The following PAFAH2 variants were observed in gnomAD, a reference collection of about 807,000 sequenced individuals.
The protein encoded by PAFAH2 is platelet activating factor acetylhydrolase 2.
Under a neutral mutation model 49.0 loss-of-function variants are expected in PAFAH2, and 42 were observed. That is an observed-to-expected ratio of 0.86 (90% CI 0.67 to 1.11). The LOEUF (loss-of-function observed/expected upper bound fraction) is 1.11, where lower values mean the gene tolerates loss of function less well. PAFAH2 is among the 50% of genes least tolerant of loss of function. PAFAH2 has a pLI of 0.00. For synonymous variants in PAFAH2, 184 were observed against 181.3 expected (o/e 1.01, Z -0.12); for missense variants, 503 against 501.8 (o/e 1.00, Z -0.02).
Position 25,984,046 on chromosome 1 carries a change from G to A in PAFAH2, c.452C>T (p.Pro151Leu), listed in dbSNP as rs2049739095. Residue 151 changes from proline to leucine, a missense_variant, in exon 6 of 11, where the codon CCA becomes CTA. Physicochemically the swap from Pro to Leu is moderately conservative, Grantham distance 98 (BLOSUM62 -3). Coordinates refer to ENST00000374282, the MANE Select transcript of PAFAH2 (RefSeq NM_000437.4). ...AATTYFCKQA[P>L]EENQPTNESL... The stretch of plus-strand genomic sequence containing the variant: ...TTCATTGGTGGGCTGGTTCTCTTCT[G>A]GGGCCTGCTTGCAGAAATAGGTGGT... The A allele has an allele frequency of 1.2e-6, 2 of 1,613,978 alleles. No homozygotes were observed. The highest frequency in any genetic ancestry group is 2.2e-5 in the South Asian group (2 of 91,078).
chr1:25,996,413 G>A (rs1266767471), intron 1 of PAFAH2, among the ~76,000 whole-genome samples: 1 of 151,806 alleles, frequency 6.6e-6, no homozygotes, highest in Non-Finnish European at 1.5e-5. Flanking sequence ...GCCGAGGCGG[G>A]CGGATCAGGA....
chr1:25,990,916 C>T (rs185912064), intron 1 of PAFAH2, 53 bp from the exon 2 acceptor site: 15 of 888,296 alleles, frequency 1.7e-5, no homozygotes, highest in Non-Finnish European at 1.8e-6. Context: ...TCTCGGCTTC[C>T]TGTTGCTGAA....
chr1:25,969,616 A>C lies in PAFAH2; in HGVS notation c.1084+2942T>G, dbSNP rs188830847. Among the ~76,000 whole-genome samples the C allele has an allele frequency of 6.3e-4, 96 of 152,354 alleles. 1 individual carries two copies. Among genetic ancestry groups the C allele is most frequent in the Admixed American group, 3.9e-3 (60 of 15,302 alleles). On this transcript the variant is annotated intron_variant, in intron 10 of 10. Coordinates refer to ENST00000374282, the MANE Select transcript of PAFAH2 (RefSeq NM_000437.4). ...TCTACTGGAAAGGGCTGTCTCTAGA[A>C]TTACACGCGATAAAGCAGGAGCAGA...
intron 7 of PAFAH2, among the ~76,000 whole-genome samples, chr1:25,981,637 A>G (rs372108246): frequency 2.6e-5 from 4 of 152,188 alleles, no homozygotes; most frequent in Admixed American, 2.0e-4. Context: ...TCCCTCTGAC[A>G]AAGGGACTGG....
chr1:25,991,796 G>C (rs1013006296), intron 1 of PAFAH2, among the ~76,000 whole-genome samples: 20 of 152,050 alleles, frequency 1.3e-4, no homozygotes, highest in Non-Finnish European at 2.5e-4. Context: ...AGGAAGCTGA[G>C]GCAAGAGAAT....
At chr1:25,992,341 A>C (rs7355094) in intron 1 of PAFAH2, among the ~76,000 whole-genome samples, 1,588 of 152,316 alleles carry the variant, frequency 0.01, 20 homozygotes, top group African/African-American at 0.037. Context: ...TAAGAGGAAA[A>C]AAAGCAGAGG....
At chr1:25,991,289 C>CT (rs926106409) in intron 1 of PAFAH2, among the ~76,000 whole-genome samples, 57 of 149,180 alleles carry the variant, frequency 3.8e-4, no homozygotes, top group Non-Finnish European at 6.4e-4. Flanking sequence ...GAGGTAGGTA[C>CT]TTTTTTTTTT....
chr1:25,981,679 C>T (rs976619740), intron 7 of PAFAH2, among the ~76,000 whole-genome samples: 7 of 152,240 alleles, frequency 4.6e-5, no homozygotes, highest in Non-Finnish European at 1.0e-4. Flanking sequence ...CGTAGGGTCA[C>T]AGCTTTCCCA....
Position 25,974,576 on chromosome 1 carries a change from A to G in PAFAH2, c.833T>C (p.Phe278Ser). The G allele has an allele frequency of 6.2e-7, 1 of 1,614,164 alleles. No homozygotes were observed. Among genetic ancestry groups the G allele is most frequent in the Non-Finnish European group, 8.5e-7 (1 of 1,179,990 alleles). Residue 278 changes from phenylalanine to serine, a missense_variant, in exon 9 of 11, where the codon TTC becomes TCC. Coordinates refer to ENST00000374282, the MANE Select transcript of PAFAH2 (RefSeq NM_000437.4). ...CTGGAATTTCTCAGTATTGATAAAG[A>G]ACACAGGTCCTCGGGCCTTGGGGTA... ...DFYPKARGPVFFINTEKFQTM... is the reference protein window; with the variant it reads ...DFYPKARGPVSFINTEKFQTM...
chr1:25,993,354 C>T (rs1032023978), intron 1 of PAFAH2, among the ~76,000 whole-genome samples: 6 of 152,050 alleles, frequency 3.9e-5, no homozygotes, highest in Non-Finnish European at 2.9e-5. Flanking sequence ...GGAGCATTTC[C>T]GTCAATCCCC....
chr1:25,976,604 G>A, intron 8 of PAFAH2, 78 bp downstream of exon 8: 1 of 1,037,456 alleles, frequency 9.6e-7, no homozygotes, highest in Non-Finnish European at 1.5e-6. Flanking sequence ...CAAGAATATA[G>A]TACTTGTGTA....
At chr1:25,969,816 G>A (rs1467852987) in intron 10 of PAFAH2, among the ~76,000 whole-genome samples, 1 of 152,066 alleles carries the variant, frequency 6.6e-6, no homozygotes, top group Non-Finnish European at 1.5e-5. Flanking sequence ...TTCATCTTAA[G>A]CTTTTATAAT....
intron 7 of PAFAH2, 147 bp downstream of exon 7, chr1:25,982,217 T>A: frequency 1.7e-6 from 1 of 593,772 alleles, no homozygotes; most frequent in South Asian, 1.9e-5. Context: ...CTAACTACAC[T>A]GGCCTAAAGT....
In PAFAH2 at chr1:25,961,053, G is replaced by GC. The variant is rs1437202908; in HGVS notation, c.*935dup. ...ACTCCTGGCCTTAAGTGATCTGCCT[G>GC]CCTTGGCCTCCCAAAGTGTTGGGAT... On this transcript the variant is annotated 3_prime_UTR_variant, in exon 11 of 11. Transcript: ENST00000374282. 1.3e-5 allele frequency: 2 copies of GC among 152,234 alleles called. No homozygotes were observed. Among genetic ancestry groups the GC allele is most frequent in the African/African-American group, 2.4e-5 (1 of 41,440 alleles). 9.4% of individuals were successfully genotyped at this position (152,234 alleles called of 1,614,324 possible).
intron 10 of PAFAH2, among the ~76,000 whole-genome samples, chr1:25,970,681 G>A (rs1370373242): frequency 1.3e-5 from 2 of 152,022 alleles, no homozygotes; most frequent in Admixed American, 6.6e-5. Flanking sequence ...GACCTCCCAG[G>A]CTCAAGTGAT....
chr1:25,972,624 G>C lies in PAFAH2; in HGVS notation c.1018C>G (p.Leu340Val). 4 of 1,613,950 alleles carry C rather than the reference G, an allele frequency of 2.5e-6. No homozygotes were observed. The highest frequency in any genetic ancestry group is 3.4e-6 in the Non-Finnish European group (4 of 1,179,864). ...ACCTCCTGCCCTTCATAGGGGTCCA[G>C]GCTCCCACGGGTTTCAGTGGAGAAG... is the stretch of plus-strand genomic sequence containing the variant. ...KFFSTETRGSLDPYEGQEVMV... is the reference protein window; with the variant it reads ...KFFSTETRGSVDPYEGQEVMV... The change falls in exon 10 of 11, where the codon CTG becomes GTG. Residue 340 changes from leucine to valine, a missense_variant. Leu to Val is a conservative substitution (Grantham distance 32). Coordinates refer to ENST00000374282, the MANE Select transcript of PAFAH2 (RefSeq NM_000437.4).
intron 4 of PAFAH2, among the ~76,000 whole-genome samples, chr1:25,987,885 T>A (rs1176227598): frequency 6.6e-6 from 1 of 151,636 alleles, no homozygotes; most frequent in African/African-American, 2.4e-5. Context: ...CTGAAAAAAA[T>A]AAAAATAAAA....
At chr1:25,967,647 T>C (rs1008171044) in intron 10 of PAFAH2, among the ~76,000 whole-genome samples, 3 of 152,008 alleles carry the variant, frequency 2.0e-5, no homozygotes, top group African/African-American at 7.3e-5. Context: ...ACAATAGCGG[T>C]TTTGATGGAG....
chr1:25,967,098 A>G (rs2049438111), intron 10 of PAFAH2, among the ~76,000 whole-genome samples: 1 of 149,854 alleles, frequency 6.7e-6, no homozygotes. Context: ...GAGACCAGTT[A>G]GGAAACCACT....
Sources: allele counts gnomAD v4.1 joint callset (sites outside exome capture counted in the v4.1 genomes callset), GRCh38; gene constraint gnomAD v4.1.1; transcripts MANE v1.5; gene names NCBI Gene and HGNC (gene_info 2026-07-23, HGNC 2026-07-21).